The following ATP8A2 variants were observed in gnomAD, a reference collection of about 807,000 sequenced individuals.
ATP8A2 encodes phospholipid-transporting ATPase IB.
A neutral mutation model predicts 165.6 loss-of-function variants in ATP8A2; 100 were observed. The observed-to-expected ratio is 0.60, with a 90% CI of 0.51 to 0.71. The LOEUF (loss-of-function observed/expected upper bound fraction) is 0.71. ATP8A2 is among the 30% of genes least tolerant of loss of function. The pLI is 0.00. For synonymous variants in ATP8A2, 543 were observed against 548.8 expected, an observed-to-expected ratio of 0.99 and a Z score of 0.15; for missense variants, 1,227 against 1,479.5, an observed-to-expected ratio of 0.83 and a Z score of 2.80.
chr13:25,577,316 A>G (rs963101248), intron 20 of ATP8A2, among the ~76,000 whole-genome samples, 178 bp downstream of exon 20: 2 of 152,234 alleles, frequency 1.3e-5, no homozygotes, highest in Non-Finnish European at 2.9e-5. Context: ...ATGGTGGTTC[A>G]GGGCAGTGTG....
intron 34 of ATP8A2, among the ~76,000 whole-genome samples, chr13:25,964,947 G>C (rs577343303): frequency 6.6e-6 from 1 of 152,294 alleles, no homozygotes; most frequent in South Asian, 2.1e-4. Flanking sequence ...ATCATCTGGG[G>C]TCAGGAGTTC....
intron 33 of ATP8A2, among the ~76,000 whole-genome samples, chr13:25,870,165 C>T (rs1327829323): frequency 3.9e-5 from 6 of 152,288 alleles, no homozygotes; most frequent in South Asian, 2.1e-4. Context: ...GGTGGCCTGA[C>T]GGCGCGCGGG....
At chr13:25,928,703 A>G (rs1954682261) in intron 33 of ATP8A2, among the ~76,000 whole-genome samples, 2 of 152,228 alleles carry the variant, frequency 1.3e-5, no homozygotes, top group African/African-American at 4.8e-5. Flanking sequence ...TGACATTCCC[A>G]GACTCACCAG....
At chr13:25,977,584 AAAT>A (rs1218753957) in intron 35 of ATP8A2, among the ~76,000 whole-genome samples, 1 of 152,206 alleles carries the variant, frequency 6.6e-6, no homozygotes, top group Admixed American at 6.5e-5. Context: ...TGTCAACTAA[AAAT>A]AATTGATTCT....
At chr13:25,589,849 T>C in intron 24 of ATP8A2, 150 bp downstream of exon 24, 1 of 547,684 alleles carries the variant, frequency 1.8e-6, no homozygotes, top group Non-Finnish European at 3.2e-6. Flanking sequence ...TATTTAAGAA[T>C]GGATGTCAGA....
At chr13:25,493,313 T>C (rs1341614077) in intron 2 of ATP8A2, among the ~76,000 whole-genome samples, 2 of 152,232 alleles carry the variant, frequency 1.3e-5, no homozygotes, top group Non-Finnish European at 2.9e-5. Context: ...TTCTTTTTGC[T>C]CATGTTTGTG....
intron 35 of ATP8A2, among the ~76,000 whole-genome samples, chr13:25,995,851 T>C (rs1028676619): frequency 6.6e-6 from 1 of 152,176 alleles, no homozygotes; most frequent in African/African-American, 2.4e-5. Context: ...ATTTGTACTA[T>C]CCATTGTTGA....
intron 24 of ATP8A2, among the ~76,000 whole-genome samples, chr13:25,623,256 T>C (rs2041018344): frequency 1.3e-5 from 2 of 151,990 alleles, no homozygotes; most frequent in South Asian, 4.2e-4. Context: ...ACTAGCTGGG[T>C]ATGGTGATGT....
chr13:25,730,297 C>T (rs531077686), intron 25 of ATP8A2, among the ~76,000 whole-genome samples: 1 of 152,154 alleles, frequency 6.6e-6, no homozygotes, highest in Admixed American at 6.5e-5. Context: ...GTCTCAACAA[C>T]AACAACAACA....
At position 25,661,370 on chromosome 13, in the gene ATP8A2, T is replaced by C. The variant is rs1423873652; in HGVS notation, c.2212-37803T>C. Among the ~76,000 whole-genome samples, 5 of 152,218 alleles carry C rather than the reference T, an allele frequency of 3.3e-5. No individual in the cohort carries two copies. In the East Asian group the frequency reaches 9.6e-4, roughly 29 times the overall value. ...AAAATTATTTCTCTCTTTGTACCTTTATTGATTCCGCTGATATTCATCCAT... is the reference window on the plus strand; with the variant it reads ...AAAATTATTTCTCTCTTTGTACCTTCATTGATTCCGCTGATATTCATCCAT... On this transcript the variant is annotated intron_variant, in intron 24 of 36. Coordinates refer to ENST00000381655, the MANE Select transcript of ATP8A2 (RefSeq NM_016529.6).
chr13:25,853,048 A>G (rs949132286), intron 30 of ATP8A2, among the ~76,000 whole-genome samples: 2 of 152,126 alleles, frequency 1.3e-5, no homozygotes, highest in Non-Finnish European at 2.9e-5. Flanking sequence ...AGGAGCTAAT[A>G]TGTGTAAAGT....
At chr13:25,802,274 G>A (rs1200404076) in intron 27 of ATP8A2, among the ~76,000 whole-genome samples, 2 of 152,124 alleles carry the variant, frequency 1.3e-5, no homozygotes, top group Non-Finnish European at 2.9e-5. Flanking sequence ...CAGTGATTGA[G>A]GCTCAGTTTC....
chr13:25,753,897 A>G (rs916036795), intron 25 of ATP8A2, among the ~76,000 whole-genome samples: 8 of 152,246 alleles, frequency 5.3e-5, no homozygotes, highest in Admixed American at 4.6e-4. Flanking sequence ...AATTACTGTT[A>G]AAGTGTATTA....
At chr13:25,447,611 G>A (rs1385391630) in intron 1 of ATP8A2, among the ~76,000 whole-genome samples, 1 of 152,230 alleles carries the variant, frequency 6.6e-6, no homozygotes, top group African/African-American at 2.4e-5. Flanking sequence ...TGGAGCACCA[G>A]AGGGCGTGTG....
At chr13:25,642,416 C>T (rs1377588054) in intron 24 of ATP8A2, among the ~76,000 whole-genome samples, 1 of 151,962 alleles carries the variant, frequency 6.6e-6, no homozygotes, top group Non-Finnish European at 1.5e-5. Flanking sequence ...AAAAAACAAC[C>T]CCATCACAAA....
intron 24 of ATP8A2, among the ~76,000 whole-genome samples, chr13:25,643,073 G>A (rs1399752739): frequency 1.3e-5 from 2 of 152,152 alleles, no homozygotes; most frequent in East Asian, 1.9e-4. Flanking sequence ...TGGGATGGGG[G>A]GAGGGGAGAG....
intron 24 of ATP8A2, among the ~76,000 whole-genome samples, chr13:25,596,053 A>C (rs990741498): frequency 5.3e-5 from 8 of 152,228 alleles, no homozygotes; most frequent in African/African-American, 1.4e-4. Context: ...TCGGGCTGCT[A>C]TGAGAGAAGA....
At chr13:25,510,555 A>T (rs1285264173) in intron 2 of ATP8A2, among the ~76,000 whole-genome samples, 1 of 152,196 alleles carries the variant, frequency 6.6e-6, no homozygotes, top group African/African-American at 2.4e-5. Context: ...AATACATACA[A>T]ATGTTGCACT....
intron 6 of ATP8A2, among the ~76,000 whole-genome samples, chr13:25,534,491 G>A (rs925950854): frequency 1.3e-5 from 2 of 152,162 alleles, no homozygotes; most frequent in African/African-American, 4.8e-5. Flanking sequence ...TGGATTCAGA[G>A]GGCCTGACAT....
Sources: allele counts gnomAD v4.1 joint callset (sites outside exome capture counted in the v4.1 genomes callset), GRCh38; gene constraint gnomAD v4.1.1; transcripts MANE v1.5; gene names NCBI Gene and HGNC (gene_info 2026-07-23, HGNC 2026-07-21).